AMBP: variants seen among roughly 807,000 people sequenced by gnomAD.
The protein encoded by AMBP is alpha-1-microglobulin/bikunin precursor.
AMBP carries 37 observed loss-of-function variants against 46.3 expected under a neutral mutation model. That is an observed-to-expected ratio of 0.80 (90% CI 0.61 to 1.05). AMBP has a LOEUF of 1.05. AMBP is among the 50% of genes least tolerant of loss of function. AMBP has a pLI of 0.00. For synonymous variants in AMBP, 174 were observed against 175.9 expected (o/e 0.99, Z 0.09); for missense variants, 475 against 461.2 (o/e 1.03, Z -0.27).
chr9:114,061,567 G>A lies in AMBP; in HGVS notation c.710C>T (p.Ala237Val). 6.2e-7 allele frequency: 1 copy of A among 1,605,724 alleles called. No individual in the cohort carries two copies. ...GCTGGTCATTCCCATGCAGGGACCG[G>A]CCGAGTAGCCCAGCTGGCAGGAATC... ...KEDSCQLGYS[A>V]GPCMGMTSRY... The change falls in exon 8 of 10, where the codon GCC becomes GTC. Residue 237 changes from alanine (A) to valine (V), a missense_variant. Physicochemically the swap from Ala to Val is moderately conservative, Grantham distance 64 (BLOSUM62 0). Coordinates refer to ENST00000265132, the MANE Select transcript of AMBP (RefSeq NM_001633.4).
chr9:114,067,518 A>C (rs1405235666), intron 6 of AMBP, among the ~76,000 whole-genome samples: 2 of 152,190 alleles, frequency 1.3e-5, no homozygotes, highest in Non-Finnish European at 2.9e-5. Context: ...ACCTTCCCAA[A>C]GTGCTGAGAT....
intron 7 of AMBP, 26 bp downstream of exon 7, chr9:114,062,651 G>C (rs751780204): frequency 1.2e-6 from 2 of 1,610,354 alleles, no homozygotes; most frequent in South Asian, 1.1e-5. Flanking sequence ...TATGGCAGAG[G>C]GGGTGAAAAG....
chr9:114,067,246 A>T (rs1846703943), intron 6 of AMBP, among the ~76,000 whole-genome samples: 1 of 152,046 alleles, frequency 6.6e-6, no homozygotes, highest in East Asian at 1.9e-4. Context: ...CTCAGGATGT[A>T]TATTTTAAAT....
At chr9:114,065,624 T>C (rs1846686516) in intron 6 of AMBP, among the ~76,000 whole-genome samples, 1 of 151,708 alleles carries the variant, frequency 6.6e-6, no homozygotes, top group Admixed American at 6.6e-5. Context: ...CTCGGGGCAG[T>C]TCATTACCCC....
chr9:114,060,390 T>G, intron 9 of AMBP, 120 bp from the exon 10 acceptor site: 2 of 1,074,298 alleles, frequency 1.9e-6, no homozygotes, highest in Non-Finnish European at 2.7e-6. Flanking sequence ...CCAAAGGGTA[T>G]TCCATGAAAT....
At chr9:114,069,114 ACATT>A (rs1162935388) in intron 6 of AMBP, among the ~76,000 whole-genome samples, 4 of 152,120 alleles carry the variant, frequency 2.6e-5, no homozygotes, top group Non-Finnish European at 5.9e-5. Flanking sequence ...ATACATACAT[ACATT>A]AGTAGAATAG....
rs1455246631 is a variant in AMBP, at chr9:114,060,168, G to T, written c.*71C>A. 24 of 1,515,242 alleles carry T rather than the reference G, an allele frequency of 1.6e-5. No individual in the cohort carries two copies. In the East Asian group the frequency reaches 5.6e-4, roughly 35 times the overall value. 93.9% of individuals were successfully genotyped at this position (1,515,242 alleles called of 1,614,324 possible). Reference sequence around the variant, plus strand: ...TTTAGTTTTTATTTGGACCCAGGTTGCTTGGCGCTGCCTGCCACAGGACCC... The same window carrying T: ...TTTAGTTTTTATTTGGACCCAGGTTTCTTGGCGCTGCCTGCCACAGGACCC... On this transcript the variant is annotated 3_prime_UTR_variant, in exon 10 of 10. Transcript: ENST00000265132.
chr9:114,060,715 C>T (rs1564370167), intron 9 of AMBP, among the ~76,000 whole-genome samples: 1 of 152,172 alleles, frequency 6.6e-6, no homozygotes, highest in African/African-American at 2.4e-5. Flanking sequence ...CCCTGCATAC[C>T]CTCTGCCAGT....
chr9:114,073,493 G>GTTTTTTT (rs59522385), intron 4 of AMBP, among the ~76,000 whole-genome samples: 46 of 107,292 alleles, frequency 4.3e-4, no homozygotes, highest in Middle Eastern at 5.3e-3. Flanking sequence ...CTCAATCCCT[G>GTTTTTTT]TTTTTTTTTT....
In AMBP at chr9:114,076,621, G is replaced by T; in HGVS notation, c.237C>A (p.Ile79=). Residue 79 remains isoleucine, a synonymous_variant, in exon 2 of 10, where the codon ATC becomes ATA. Coordinates refer to ENST00000265132, the MANE Select transcript of AMBP (RefSeq NM_001633.4). ...ACCGCCAACGAGTGCTGGTCATGCT[G>T]ATCTCCGCCTCTGTAGCGCCCTCTC... ...VLGEGATEAE[I]SMTSTRWRKG... 2.5e-6 allele frequency: 4 copies of T among 1,613,922 alleles called. No individual in the cohort carries two copies. Among genetic ancestry groups the T allele is most frequent in the Non-Finnish European group, 2.5e-6 (3 of 1,179,968 alleles).
chr9:114,062,486 C>T (rs1439833579), intron 7 of AMBP, among the ~76,000 whole-genome samples, 191 bp downstream of exon 7: 1 of 152,198 alleles, frequency 6.6e-6, no homozygotes, highest in Non-Finnish European at 1.5e-5. Context: ...AGGACGATGC[C>T]TCATGCTCTT....
In AMBP at chr9:114,062,733, T is replaced by C; in HGVS notation, c.629A>G (p.Gln210Arg). 6.2e-7 allele frequency: 1 copy of C among 1,614,060 alleles called. No homozygotes were observed. Among genetic ancestry groups the C allele is most frequent in the Non-Finnish European group, 8.5e-7 (1 of 1,180,022 alleles). ...CCCACCCCCTGATCCTTCCTCTTCT[T>C]GGGGTAGCACAGCCCTCCGGACTCT... Reference protein sequence around the residue: ...IPRVRRAVLPQEEEGSGGGQL... With the variant: ...IPRVRRAVLPREEEGSGGGQL... The change falls in exon 7 of 10, where the codon CAA becomes CGA. Residue 210 changes from glutamine to arginine, a missense_variant. Physicochemically the swap from Gln to Arg is conservative, Grantham distance 43 (BLOSUM62 1). Around this residue, in one of 3 missense-constraint regions of AMBP, gnomAD observed 293 missense variants for 276.9 expected, o/e 1.06. Coordinates refer to ENST00000265132, the MANE Select transcript of AMBP (RefSeq NM_001633.4).
At chr9:114,077,007 G>T (rs1286369131) in intron 1 of AMBP, among the ~76,000 whole-genome samples, 2 of 152,152 alleles carry the variant, frequency 1.3e-5, no homozygotes, top group African/African-American at 4.8e-5. Flanking sequence ...CTGCAGAAGG[G>T]CTAACTCTCT....
chr9:114,062,831 T>C lies in AMBP; in HGVS notation c.604-73A>G, dbSNP rs2134845408. On this transcript the variant is annotated intron_variant, in intron 6 of 9. Coordinates refer to ENST00000265132, the MANE Select transcript of AMBP (RefSeq NM_001633.4). ...ATTGCTTTCCTGTACCCCTGGAATA[T>C]ATAAATGAACAACTTGCTTTGGGAA... is the stretch of plus-strand genomic sequence containing the variant. 5 of 1,438,082 alleles carry C rather than the reference T, an allele frequency of 3.5e-6. No individual in the cohort carries two copies. The Admixed American group carries it at 5.1e-5, about 15-fold the overall frequency. The allele number at this position is 1,438,082 out of a possible 1,614,324, so 89.1% of individuals were successfully genotyped here.
intron 7 of AMBP, among the ~76,000 whole-genome samples, chr9:114,062,137 C>T (rs895463672): frequency 1.8e-4 from 28 of 152,210 alleles, no homozygotes; most frequent in African/African-American, 6.3e-4. Context: ...GGGCCCATCA[C>T]CTACTCCCTT....
In AMBP at chr9:114,074,048, C is replaced by A; in HGVS notation, c.442G>T (p.Ala148Ser). Residue 148 changes from alanine (A) to serine (S), a missense_variant, in exon 4 of 10, where the codon GCC becomes TCC. This residue lies in a region of AMBP where 293 missense variants were observed against 276.9 expected (regional missense o/e 1.06). Coordinates refer to ENST00000265132, the MANE Select transcript of AMBP (RefSeq NM_001633.4). ...AATGAGCCTTTACCGTAGAGCTTGGCAGTAATGGTGGGTCCATGATGGCGG... is the reference window on the plus strand; with the variant it reads ...AATGAGCCTTTACCGTAGAGCTTGGAAGTAATGGTGGGTCCATGATGGCGG... ...FSRHHGPTIT[A>S]KLYGRAPQLR... The A allele has an allele frequency of 6.2e-7, 1 of 1,614,054 alleles. No individual in the cohort carries two copies. Among genetic ancestry groups the A allele is most frequent in the Non-Finnish European group, 8.5e-7 (1 of 1,179,932 alleles).
Position 114,061,486 on chromosome 9 carries a change from C to T in AMBP, c.791G>A (p.Cys264Tyr), listed in dbSNP as rs200370684. The T allele has an allele frequency of 1.4e-5, 23 of 1,614,166 alleles. No homozygotes were observed. Among genetic ancestry groups the T allele is most frequent in the Non-Finnish European group, 1.9e-5 (22 of 1,180,040 alleles). The change falls in exon 8 of 10, where the codon TGC becomes TAC. Residue 264 changes from cysteine to tyrosine, a missense_variant. By Grantham distance (194) the Cys-to-Tyr change is radical (BLOSUM62 -2). Coordinates refer to ENST00000265132, the MANE Select transcript of AMBP (RefSeq NM_001633.4). The stretch of plus-strand genomic sequence containing the variant: ...GACGAAGTTGTTACCGTTGCCCATG[C>T]AGCCGCCGTACTGGAAAGTCTCACA... ...MACETFQYGG[C>Y]MGNGNNFVTE... is the part of the protein sequence containing the mutation.
At chr9:114,060,470 A>C (rs943519660) in intron 9 of AMBP, among the ~76,000 whole-genome samples, 200 bp from the exon 10 acceptor site, 1 of 152,182 alleles carries the variant, frequency 6.6e-6, no homozygotes, top group Non-Finnish European at 1.5e-5. Flanking sequence ...CAAGGCACAG[A>C]CATCTTCAAT....
intron 6 of AMBP, among the ~76,000 whole-genome samples, chr9:114,065,434 G>A (rs973492524): frequency 2.0e-5 from 3 of 152,098 alleles, no homozygotes; most frequent in South Asian, 2.1e-4. Context: ...GGAGAGACAC[G>A]GCACAGATTC....
Sources: gnomAD v4.1 joint callset for allele counts (sites outside exome capture counted in the v4.1 genomes callset) on GRCh38, gnomAD v4.1.1 for gene constraint, gnomAD v4.1.1 regional missense constraint, MANE v1.5 for transcripts, NCBI Gene and HGNC (gene_info 2026-07-23, HGNC 2026-07-21) for gene names.